ABLIM1: variants seen among roughly 807,000 people sequenced by gnomAD.
ABLIM1 encodes actin binding LIM protein 1.
In ABLIM1, 40 loss-of-function variants were observed where a neutral mutation model predicts 107.0. The ratio of observed to expected loss-of-function variants is 0.37; its 90% CI spans 0.29 to 0.49. The LOEUF (loss-of-function observed/expected upper bound fraction) is 0.49. ABLIM1 is among the 20% of genes least tolerant of loss of function. The pLI, the probability that ABLIM1 is intolerant of heterozygous loss-of-function variation, is 0.97. For synonymous variants in ABLIM1, 357 were observed against 357.3 expected, an observed-to-expected ratio of 1.00 and a Z score of 0.01; for missense variants, 857 against 1,008.5, an observed-to-expected ratio of 0.85 and a Z score of 2.04.
At chr10:114,663,783 G>A (rs938717172) in intron 1 of ABLIM1, among the ~76,000 whole-genome samples, 2 of 152,142 alleles carry the variant, frequency 1.3e-5, no homozygotes, top group Non-Finnish European at 2.9e-5. Flanking sequence ...CTTGCTGGTG[G>A]GATAAATAGC....
intron 1 of ABLIM1, among the ~76,000 whole-genome samples, chr10:114,645,465 C>CTT (rs1028512606): frequency 1.2e-4 from 17 of 147,650 alleles, no homozygotes; most frequent in African/African-American, 4.0e-4. Context: ...CGCAGAGTCT[C>CTT]TTTTTTTTTT....
chr10:114,743,556 C>T (rs1331579648), intron 1 of ABLIM1, among the ~76,000 whole-genome samples: 2 of 152,108 alleles, frequency 1.3e-5, no homozygotes, highest in Non-Finnish European at 2.9e-5. Flanking sequence ...AGTTATTTGT[C>T]TTCTCTATTT....
chr10:114,732,501 T>A (rs2082097286), intron 1 of ABLIM1, among the ~76,000 whole-genome samples: 1 of 135,760 alleles, frequency 7.4e-6, no homozygotes, highest in Admixed American at 7.3e-5. Flanking sequence ...TTGCAAATAT[T>A]TTTTCCCATT....
At chr10:114,684,457 G>A (rs2080878705) in exon 1 of ABLIM1, 2 of 1,536,936 alleles carry the variant, frequency 1.3e-6, no homozygotes, top group African/African-American at 1.4e-5. Context: ...TCTCCTCCCA[G>A]GAGTCTGTGG....
chr10:114,738,799 G>A (rs1196780912), intron 1 of ABLIM1, among the ~76,000 whole-genome samples: 1 of 152,152 alleles, frequency 6.6e-6, no homozygotes, highest in Non-Finnish European at 1.5e-5. Context: ...AAAAAGTAGG[G>A]AGTGCTAGTT....
intron 2 of ABLIM1, among the ~76,000 whole-genome samples, chr10:114,600,624 C>T (rs2075886703): frequency 6.6e-6 from 1 of 152,090 alleles, no homozygotes; most frequent in African/African-American, 2.4e-5. Context: ...TGACGTATGA[C>T]ACTCAAAATG....
At chr10:114,799,458 C>T in the ABLIM1 span, among the ~76,000 whole-genome samples, 1 of 152,192 alleles carries the variant, frequency 6.6e-6, no homozygotes, top group African/African-American at 2.4e-5. Context: ...AGGCATCTGA[C>T]AGATTGAAAA....
chr10:114,799,626 A>G, the ABLIM1 span, among the ~76,000 whole-genome samples: 1 of 152,196 alleles, frequency 6.6e-6, no homozygotes, highest in African/African-American at 2.4e-5. Flanking sequence ...TACCTTTGAA[A>G]TATATCCAGA....
At chr10:114,768,104 G>C (rs1179474092), upstream of ABLIM1, 4 of 423,598 alleles carry the variant, frequency 9.4e-6, no homozygotes, top group Admixed American at 5.0e-5. Context: ...GAGCTGGAAG[G>C]CGTTGGACAG....
chr10:114,782,580 A>T, the ABLIM1 span, among the ~76,000 whole-genome samples: 2 of 152,180 alleles, frequency 1.3e-5, no homozygotes, highest in East Asian at 3.8e-4. Flanking sequence ...GACCAGTTCG[A>T]AAACCTGAAA....
chr10:114,494,889 A>G (rs571594266), intron 6 of ABLIM1, among the ~76,000 whole-genome samples: 1 of 152,318 alleles, frequency 6.6e-6, no homozygotes, highest in East Asian at 1.9e-4. Flanking sequence ...AACTTACCCC[A>G]CGCAGTTGAT....
chr10:114,757,833 T>C (rs943467687), intron 1 of ABLIM1, among the ~76,000 whole-genome samples: 3 of 152,244 alleles, frequency 2.0e-5, no homozygotes, highest in Middle Eastern at 3.4e-3. Context: ...AGGGAAGAAC[T>C]CAAATCATAA....
chr10:114,718,077 G>GGAAA, intron 1 of ABLIM1, among the ~76,000 whole-genome samples: 1 of 91,008 alleles, frequency 1.1e-5, no homozygotes, highest in East Asian at 2.7e-4. Flanking sequence ...AAGAAAGGAA[G>GGAAA]GAAGGAAGGA....
intron 2 of ABLIM1, among the ~76,000 whole-genome samples, chr10:114,592,688 T>C (rs553103106): frequency 6.6e-6 from 1 of 152,194 alleles, no homozygotes; most frequent in South Asian, 2.1e-4. Flanking sequence ...TTTGGGATAA[T>C]GATAAATGGT....
In ABLIM1 at chr10:114,727,450, T is replaced by A. The variant is rs1476039843; in HGVS notation, c.-213+40611A>T. On this transcript the variant is annotated intron_variant, in intron 1 of 15. Transcript: ENST00000651092. ...TGGTCTCTTATCAATGGATTGCCCA[T>A]GTCATAGAAAAAAGGCTGGATAACC... 2.0e-5 allele frequency among the ~76,000 whole-genome samples: 3 copies of A among 152,302 alleles called. No individual in the cohort carries two copies. In the South Asian group the frequency reaches 6.2e-4, roughly 32 times the overall value.
intron 1 of ABLIM1, among the ~76,000 whole-genome samples, chr10:114,634,129 C>T (rs866139124): frequency 7.0e-3 from 475 of 68,130 alleles, no homozygotes; most frequent in South Asian, 0.011. Context: ...CTCAATTTTT[C>T]TTTTTTTTTT....
At chr10:114,711,918 C>T (rs772593631) in intron 1 of ABLIM1, among the ~76,000 whole-genome samples, 2 of 152,122 alleles carry the variant, frequency 1.3e-5, no homozygotes, top group Non-Finnish European at 2.9e-5. Flanking sequence ...TCAAGGGAGC[C>T]GTTGCTGTAG....
chr10:114,559,564 G>C (rs1025256275), intron 4 of ABLIM1, among the ~76,000 whole-genome samples: 1 of 152,108 alleles, frequency 6.6e-6, no homozygotes, highest in Non-Finnish European at 1.5e-5. Flanking sequence ...GCTCACCCTG[G>C]GGTCTCCCTC....
chr10:114,452,016 G>A (rs1421929728), intron 13 of ABLIM1, among the ~76,000 whole-genome samples: 1 of 152,126 alleles, frequency 6.6e-6, no homozygotes, highest in Non-Finnish European at 1.5e-5. Flanking sequence ...GACATAACCA[G>A]CTTGGGGAAA....
Sources: gnomAD v4.1 joint callset for allele counts (sites outside exome capture counted in the v4.1 genomes callset) on GRCh38, gnomAD v4.1.1 for gene constraint, MANE v1.5 for transcripts, NCBI Gene and HGNC (gene_info 2026-07-23, HGNC 2026-07-21) for gene names.